The following ULK4 variants were observed in gnomAD, a reference collection of about 807,000 sequenced individuals.
ULK4 encodes the protein unc-51 like kinase 4, also known as inactive serine/threonine-protein kinase ULK4.
In ULK4, 133 loss-of-function variants were observed where a neutral mutation model predicts 160.6. The ratio of observed to expected loss-of-function variants is 0.83; its 90% CI spans 0.72 to 0.96. The LOEUF (loss-of-function observed/expected upper bound fraction) is 0.96, where lower values mean the gene tolerates loss of function less well. Among genes scored for constraint, ULK4 ranks in the 40% least tolerant of loss-of-function variants. The probability of loss-of-function intolerance (pLI) is 0.00; values close to 1 mark genes in which losing one functional copy is unlikely to be tolerated. For missense variants in ULK4, 1,580 were observed against 1,499.5 expected, an observed-to-expected ratio of 1.05 and a Z score of -0.89; for synonymous variants, 534 against 539.8, an observed-to-expected ratio of 0.99 and a Z score of 0.15.
chr3:41,532,765 G>A (rs1055127135), intron 32 of ULK4, among the ~76,000 whole-genome samples: 4 of 151,966 alleles, frequency 2.6e-5, no homozygotes, highest in African/African-American at 9.7e-5. Context: ...ATTTCTTGTC[G>A]AGACTTTTAC....
At chr3:41,833,363 T>G (rs962340365) in intron 18 of ULK4, among the ~76,000 whole-genome samples, 1 of 151,304 alleles carries the variant, frequency 6.6e-6, no homozygotes, top group Non-Finnish European at 1.5e-5. Context: ...TGGCGCAATC[T>G]CGGCTCACTG....
intron 35 of ULK4, among the ~76,000 whole-genome samples, chr3:41,337,534 C>T (rs943688281): frequency 5.3e-5 from 8 of 152,138 alleles, no homozygotes; most frequent in Non-Finnish European, 7.4e-5. Context: ...TATGTGCAGA[C>T]GTGCATGCAC....
At chr3:41,738,990 T>A (rs761316273) in intron 22 of ULK4, among the ~76,000 whole-genome samples, 25 of 151,884 alleles carry the variant, frequency 1.6e-4, no homozygotes, top group Non-Finnish European at 3.1e-4. Context: ...ACAATACACA[T>A]CTGTGCAGCT....
intron 35 of ULK4, among the ~76,000 whole-genome samples, chr3:41,255,412 G>A (rs993003085): frequency 3.3e-5 from 5 of 152,182 alleles, no homozygotes; most frequent in Admixed American, 2.6e-4. Context: ...GAACCCGGGA[G>A]GCGGAGGTTG....
At chr3:41,893,485 A>G (rs1465961419) in intron 16 of ULK4, among the ~76,000 whole-genome samples, 1 of 152,158 alleles carries the variant, frequency 6.6e-6, no homozygotes, top group Non-Finnish European at 1.5e-5. Context: ...AATTTTTTTA[A>G]GAGTATTTCA....
rs1559658136 is a variant in ULK4 at position 41,506,775 on chromosome 3, T to TATAA, written c.3227-43523_3227-43522insTTAT. Among the ~76,000 whole-genome samples the TATAA allele has an allele frequency of 2.0e-3, 36 of 17,616 alleles. 2 individuals are homozygous for TATAA. Among genetic ancestry groups the TATAA allele is most frequent in the Non-Finnish European group, 3.0e-3 (20 of 6,654 alleles). The allele number at this position is 17,616 out of a possible 152,430, so 11.6% of individuals were successfully genotyped here. A position where few individuals can be genotyped will look rare whatever the true frequency, so the allele number is the denominator to read the frequency against. ...ACTGGAGTGTGATTTAAAATATATA[T>TATAA]ATATATATATATATATATATATATA... On this transcript the variant is annotated intron_variant, in intron 32 of 36. Transcript: ENST00000301831.
At chr3:41,931,608 T>G (rs2148822419) in intron 5 of ULK4, 1 of 431,280 alleles carries the variant, frequency 2.3e-6, no homozygotes, top group South Asian at 6.3e-5. Flanking sequence ...AACATAAAGC[T>G]GAGGACGAAA....
At chr3:41,491,519 T>C (rs2084763479) in intron 32 of ULK4, among the ~76,000 whole-genome samples, 1 of 151,916 alleles carries the variant, frequency 6.6e-6, no homozygotes, top group South Asian at 2.1e-4. Flanking sequence ...GGTACAAAAA[T>C]ATGGCATTTC....
At chr3:41,356,460 A>G (rs1298894818) in intron 35 of ULK4, among the ~76,000 whole-genome samples, 1 of 152,200 alleles carries the variant, frequency 6.6e-6, no homozygotes, top group African/African-American at 2.4e-5. Context: ...GTGGCATCCC[A>G]AATCACAGCA....
At chr3:41,568,895 C>T (rs980912181) in intron 31 of ULK4, among the ~76,000 whole-genome samples, 1 of 152,250 alleles carries the variant, frequency 6.6e-6, no homozygotes, top group Non-Finnish European at 1.5e-5. Context: ...CAAGTCTGGA[C>T]CTCTGGAACT....
rs1222844881 is a variant in ULK4 at position 41,912,873 on chromosome 3, T to C, written c.830A>G (p.His277Arg). Residue 277 changes from histidine to arginine, a missense_variant, in exon 9 of 37, where the codon CAT becomes CGT. Physicochemically the swap from His to Arg is conservative, Grantham distance 29. Transcript: ENST00000301831. ...AGCAAAAGCTTTCTTCCAAAATGAA[T>C]GCTGCAGTAGCCTTGTCCAAGTCAA... is the stretch of plus-strand genomic sequence containing the variant. ...KRLTWTRLLQHSFWKKAFAGA... is the reference protein window; with the variant it reads ...KRLTWTRLLQRSFWKKAFAGA... The C allele has an allele frequency of 1.2e-6, 2 of 1,614,010 alleles. No homozygotes were observed. Among genetic ancestry groups the C allele is most frequent in the African/African-American group, 1.3e-5 (1 of 74,928 alleles).
intron 35 of ULK4, among the ~76,000 whole-genome samples, chr3:41,350,080 A>G (rs2080879247): frequency 6.6e-6 from 1 of 152,194 alleles, no homozygotes; most frequent in Non-Finnish European, 1.5e-5. Flanking sequence ...TCACGAACAG[A>G]CCTTTCCATA....
chr3:41,694,512 C>G (rs1456267748), intron 27 of ULK4, among the ~76,000 whole-genome samples: 1 of 152,074 alleles, frequency 6.6e-6, no homozygotes, highest in Non-Finnish European at 1.5e-5. Context: ...GACAATCTGA[C>G]CTGGGGGATG....
At chr3:41,572,008 C>A (rs1455726162) in intron 31 of ULK4, among the ~76,000 whole-genome samples, 1 of 152,166 alleles carries the variant, frequency 6.6e-6, no homozygotes, top group Non-Finnish European at 1.5e-5. Context: ...TTACTATGTG[C>A]CATGTCCTGT....
At chr3:41,315,653 C>T (rs2125724626) in intron 35 of ULK4, among the ~76,000 whole-genome samples, 1 of 152,282 alleles carries the variant, frequency 6.6e-6, no homozygotes, top group East Asian at 1.9e-4. Flanking sequence ...ACTACAGAAA[C>T]CCTACTCTAG....
chr3:41,739,780 T>C (rs1278596752), intron 22 of ULK4, among the ~76,000 whole-genome samples: 7 of 151,872 alleles, frequency 4.6e-5, no homozygotes. Flanking sequence ...TGGGCCTGTG[T>C]ACCAGGGAGC....
At chr3:41,747,235 T>C (rs578191765) in intron 22 of ULK4, among the ~76,000 whole-genome samples, 5 of 151,760 alleles carry the variant, frequency 3.3e-5, no homozygotes, top group East Asian at 1.9e-4. Context: ...AGAGAAAAAA[T>C]TTGCAAACCG....
intron 35 of ULK4, among the ~76,000 whole-genome samples, chr3:41,389,351 A>C (rs2081898858): frequency 6.6e-6 from 1 of 152,100 alleles, no homozygotes; most frequent in African/African-American, 2.4e-5. Context: ...TTCCTAATTG[A>C]ATGCCCTTTA....
At chr3:41,324,473 C>A (rs1042471331) in intron 35 of ULK4, among the ~76,000 whole-genome samples, 2 of 152,184 alleles carry the variant, frequency 1.3e-5, no homozygotes, top group African/African-American at 4.8e-5. Flanking sequence ...GGATCCATGC[C>A]TTATTTTGCC....
Sources: allele counts gnomAD v4.1 joint callset (sites outside exome capture counted in the v4.1 genomes callset), GRCh38; gene constraint gnomAD v4.1.1; transcripts MANE v1.5; gene names NCBI Gene and HGNC (gene_info 2026-07-23, HGNC 2026-07-21).